Variants in ENTPD4 observed in about 807,000 individuals in gnomAD.
ENTPD4 encodes the protein Golgi UDPase.
ENTPD4 carries 60 observed loss-of-function variants against 79.1 expected under a neutral mutation model. The observed-to-expected ratio is 0.76, with a 90% CI of 0.62 to 0.94. The LOEUF is 0.94. Among genes scored for constraint, ENTPD4 ranks in the 40% least tolerant of loss-of-function variants. The pLI, the probability that ENTPD4 is intolerant of heterozygous loss-of-function variation, is 0.00. For synonymous variants in ENTPD4, 276 were observed against 292.0 expected, an observed-to-expected ratio of 0.95 and a Z score of 0.56; for missense variants, 772 against 775.1, an observed-to-expected ratio of 1.00 and a Z score of 0.05.
chr8:23,434,790 T>C (rs2117275942), intron 11 of ENTPD4: 1 of 1,013,546 alleles, frequency 9.9e-7, no homozygotes, highest in South Asian at 3.2e-5. Context: ...GAATGAATAC[T>C]GAACAGGTTC....
chr8:23,437,387 C>A, intron 9 of ENTPD4, 129 bp from the exon 10 acceptor site: 2 of 654,566 alleles, frequency 3.1e-6, no homozygotes, highest in Non-Finnish European at 5.1e-6. Context: ...GTCTGTGGAA[C>A]AGAAAAGGGT....
At chr8:23,446,626 T>C (rs1220178293) in intron 4 of ENTPD4, among the ~76,000 whole-genome samples, 1 of 152,182 alleles carries the variant, frequency 6.6e-6, no homozygotes, top group Non-Finnish European at 1.5e-5. Context: ...TTCTGAGTAA[T>C]ATGCTGGTTC....
Position 23,444,426 on chromosome 8 carries a change from C to T in ENTPD4, c.563+30G>A, listed in dbSNP as rs138931880. ...CCCCCTCTCCCCTCCAGGAACCCAC[C>T]CTCACCCTTGCCCTTCTGTGGAGGA... On this transcript the variant is annotated intron_variant, in intron 5 of 12. Coordinates refer to ENST00000358689, the MANE Select transcript of ENTPD4 (RefSeq NM_004901.5). 2.1e-4 allele frequency: 340 copies of T among 1,604,972 alleles called. 3 individuals carry two copies. In the East Asian group the frequency reaches 7.5e-3, roughly 35 times the overall value.
At position 23,439,928 on chromosome 8, in the gene ENTPD4, G is replaced by A. The variant is rs763559495; in HGVS notation, c.883-13C>T. The A allele has an allele frequency of 1.9e-6, 3 of 1,612,092 alleles. No homozygotes were observed. Among genetic ancestry groups the A allele is most frequent in the Non-Finnish European group, 2.5e-6 (3 of 1,178,324 alleles). On this transcript the variant is annotated splice_polypyrimidine_tract_variant and intron_variant, in intron 8 of 12. Coordinates refer to ENST00000358689, the MANE Select transcript of ENTPD4 (RefSeq NM_004901.5). ...TAGCTACTTCTTCCTGCAGACATAA[G>A]CATAACAAACCTTAATAGCTTAAGC...
rs558231089 is a variant in ENTPD4, at chr8:23,434,660, C to A, written c.1461-182G>T. ...GATGTACTTGCTTCACATCCCTGGTCCCACAACATGGAGCAGTTCACCTGT... is the reference window on the plus strand; with the variant it reads ...GATGTACTTGCTTCACATCCCTGGTACCACAACATGGAGCAGTTCACCTGT... On this transcript the variant is annotated intron_variant, in intron 11 of 12. Transcript: ENST00000358689. 21 of 1,431,654 alleles carry A rather than the reference C, an allele frequency of 1.5e-5. No individual in the cohort carries two copies. In the South Asian group the frequency reaches 2.9e-4, roughly 20 times the overall value. 88.7% of individuals were successfully genotyped at this position (1,431,654 alleles called of 1,614,324 possible). A position where few individuals can be genotyped will look rare whatever the true frequency, so the allele number is the denominator to read the frequency against.
intron 10 of ENTPD4, among the ~76,000 whole-genome samples, chr8:23,436,022 A>G (rs1309037355): frequency 6.6e-6 from 1 of 152,154 alleles, no homozygotes; most frequent in Non-Finnish European, 1.5e-5. Flanking sequence ...CCTCTATTTA[A>G]AGGATGAAGA....
chr8:23,432,953 G>T lies in ENTPD4; in HGVS notation c.1824C>A (p.Pro608=). The T allele has an allele frequency of 6.2e-7, 1 of 1,609,604 alleles. No individual in the cohort carries two copies. Among genetic ancestry groups the T allele is most frequent in the Non-Finnish European group, 8.5e-7 (1 of 1,177,864 alleles). Residue 608 remains proline (P), a synonymous_variant, in exon 13 of 13, where the codon CCC becomes CCA. Coordinates refer to ENST00000358689, the MANE Select transcript of ENTPD4 (RefSeq NM_004901.5). The stretch of plus-strand genomic sequence containing the variant: ...ACAAGGTCCCCGGGGCATTCTGGGC[G>T]GGAAGGCCCTCCTCCATCCAGAGGG... The part of the protein sequence containing the change: ...AAALWMEEGL[P]AQNAPGTL
At chr8:23,441,778 C>A in intron 7 of ENTPD4, 55 bp from the exon 8 acceptor site, 1 of 1,572,148 alleles carries the variant, frequency 6.4e-7, no homozygotes, top group Non-Finnish European at 8.7e-7. Context: ...GAACTGGGCT[C>A]TTCTGAAGAG....
chr8:23,449,944 T>C lies in ENTPD4; in HGVS notation c.-44A>G. 1.2e-6 allele frequency: 2 copies of C among 1,613,906 alleles called. No homozygotes were observed. The highest frequency in any genetic ancestry group is 8.5e-7 in the Non-Finnish European group (1 of 1,179,762). On this transcript the variant is annotated 5_prime_UTR_variant, in exon 2 of 13. Coordinates refer to ENST00000358689, the MANE Select transcript of ENTPD4 (RefSeq NM_004901.5). Reference sequence around the variant, plus strand: ...AGGCAATGCTCTGGGATTCAGTCCTTCTCACAAACAATTATAGAAATAATG... The same window carrying C: ...AGGCAATGCTCTGGGATTCAGTCCTCCTCACAAACAATTATAGAAATAATG...
chr8:23,436,017 A>G lies in ENTPD4; in HGVS notation c.1375-540T>C, dbSNP rs572996094. 6.6e-4 allele frequency among the ~76,000 whole-genome samples: 100 copies of G among 152,284 alleles called. 4 individuals carry two copies. In the South Asian group the frequency reaches 0.02, roughly 30 times the overall value. ...CGAGGTGGCTACCATCCCGACCTCT[A>G]TTTAAAGGATGAAGACACTGCTGAG... On this transcript the variant is annotated intron_variant, in intron 10 of 12. Coordinates refer to ENST00000358689, the MANE Select transcript of ENTPD4 (RefSeq NM_004901.5).
In ENTPD4 at chr8:23,441,706, C is replaced by T. The variant is rs562770661; in HGVS notation, c.745G>A (p.Glu249Lys). The part of the protein sequence containing the change: ...HIEDDDEAVV[E>K]VNIPGSESSE... ...CTTTCACTTCCAGGAATGTTAACTT[C>T]CACAACGGCCTCATCATCTAGAAAG... Residue 249 changes from glutamate (E) to lysine (K), a missense_variant, in exon 8 of 13, where the codon GAA becomes AAA. Physicochemically the swap from Glu to Lys is moderately conservative, Grantham distance 56. Coordinates refer to ENST00000358689, the MANE Select transcript of ENTPD4 (RefSeq NM_004901.5). The T allele has an allele frequency of 6.2e-7, 1 of 1,614,030 alleles. No individual in the cohort carries two copies. The highest frequency in any genetic ancestry group is 8.5e-7 in the Non-Finnish European group (1 of 1,180,030).
rs191058877 is a variant in ENTPD4 at position 23,438,648 on chromosome 8, A to C, written c.1049+1101T>G. 4.6e-5 allele frequency among the ~76,000 whole-genome samples: 7 copies of C among 152,344 alleles called. No homozygotes were observed. The East Asian group carries it at 1.2e-3, about 25-fold the overall frequency. On this transcript the variant is annotated intron_variant, in intron 9 of 12. Transcript: ENST00000358689. ...TGAGTAAAAATTAAGGTTTCGGAAAAAATATGTTACAAATGTTGTCTATAA... is the reference window on the plus strand; with the variant it reads ...TGAGTAAAAATTAAGGTTTCGGAAACAATATGTTACAAATGTTGTCTATAA...
At chr8:23,434,196 A>G (rs1373646944) in intron 12 of ENTPD4, 121 bp downstream of exon 12, 19 of 1,341,270 alleles carry the variant, frequency 1.4e-5, no homozygotes, top group African/African-American at 2.9e-5. Context: ...TGTCCCTACA[A>G]TTCTGCCGTG....
rs368233755 is a variant in ENTPD4 at position 23,436,676 on chromosome 8, T to A, written c.1374+258A>T. Among the ~76,000 whole-genome samples the A allele has an allele frequency of 2.6e-5, 4 of 152,254 alleles. No individual in the cohort carries two copies. In the East Asian group the frequency reaches 5.8e-4, roughly 22 times the overall value. ...CATGCAGCAAAGCACAAAAATGACA[T>A]AAAAGACTGTAATTTGGAGCTAACT... On this transcript the variant is annotated intron_variant, in intron 10 of 12. Coordinates refer to ENST00000358689, the MANE Select transcript of ENTPD4 (RefSeq NM_004901.5).
chr8:23,436,912 A>C (rs1299010993), intron 10 of ENTPD4, 22 bp downstream of exon 10: 1 of 1,545,818 alleles, frequency 6.5e-7, no homozygotes, highest in Non-Finnish European at 8.8e-7. Flanking sequence ...CATGCAGAGC[A>C]GACGGCGTCT....
rs1231988296 is a variant in ENTPD4, at chr8:23,430,913, G to C, written c.*2013C>G. ...AGACCAACTTATTAGGTAGCCAGAA[G>C]CTCACCCCTTTCTTAACAACTTTGA... On this transcript the variant is annotated 3_prime_UTR_variant, in exon 13 of 13. Transcript: ENST00000358689. 2.2e-5 allele frequency: 22 copies of C among 985,340 alleles called. No individual in the cohort carries two copies. The highest frequency in any genetic ancestry group is 2.7e-5 in the Non-Finnish European group (22 of 829,974). The allele number at this position is 985,340 out of a possible 1,614,324, so 61.0% of individuals were successfully genotyped here.
At position 23,447,987 on chromosome 8, in the gene ENTPD4, T is replaced by A; in HGVS notation, c.207-102A>T. 4 of 870,740 alleles carry A rather than the reference T, an allele frequency of 4.6e-6. No individual in the cohort carries two copies. In the South Asian group the frequency reaches 5.9e-5, roughly 13 times the overall value. 53.9% of individuals were successfully genotyped at this position (870,740 alleles called of 1,614,324 possible). A position where few individuals can be genotyped will look rare whatever the true frequency, so the allele number is the denominator to read the frequency against. ...TACCAAGTCAGTAATTTCTAAGCTA[T>A]GTAGCAGCACCACTATAACATCAAT... On this transcript the variant is annotated intron_variant, in intron 3 of 12. Transcript: ENST00000358689.
intron 1 of ENTPD4, among the ~76,000 whole-genome samples, chr8:23,450,453 C>T (rs1800839473): frequency 6.6e-6 from 1 of 152,232 alleles, no homozygotes; most frequent in Non-Finnish European, 1.5e-5. Context: ...ACCATTATCA[C>T]TCCTCCTCCA....
chr8:23,436,190 G>C (rs1419519022), intron 10 of ENTPD4, among the ~76,000 whole-genome samples: 2 of 152,228 alleles, frequency 1.3e-5, no homozygotes, highest in African/African-American at 4.8e-5. Context: ...TGTCTGACAT[G>C]ATTACAGCAT....
Sources: gnomAD v4.1 joint callset for allele counts (sites outside exome capture counted in the v4.1 genomes callset) on GRCh38, gnomAD v4.1.1 for gene constraint, MANE v1.5 for transcripts, NCBI Gene and HGNC (gene_info 2026-07-23, HGNC 2026-07-21) for gene names.